The following ZNF131 variants were observed in gnomAD, a reference collection of about 807,000 sequenced individuals.
The protein encoded by ZNF131 is zinc finger and BTB domain containing 35, also known as zinc finger protein 131.
In ZNF131, 7 loss-of-function variants were observed where a neutral mutation model predicts 60.0. That is an observed-to-expected ratio of 0.12 (90% CI 0.07 to 0.22). ZNF131 has a LOEUF of 0.22. Among genes scored for constraint, ZNF131 ranks in the 10% least tolerant of loss-of-function variants. ZNF131 has a pLI of 1.00. For missense variants in ZNF131, 493 were observed against 740.9 expected, an observed-to-expected ratio of 0.67 and a Z score of 3.88; for synonymous variants, 257 against 253.2, an observed-to-expected ratio of 1.01 and a Z score of -0.14.
intron 3 of ZNF131, among the ~76,000 whole-genome samples, chr5:43,132,570 G>A (rs1197795229): frequency 6.8e-6 from 1 of 146,582 alleles, no homozygotes; most frequent in Non-Finnish European, 1.5e-5. Context: ...GATTGCAGTG[G>A]CATGATCTCA....
chr5:43,133,086 T>C (rs564038314), intron 3 of ZNF131, among the ~76,000 whole-genome samples: 1 of 152,226 alleles, frequency 6.6e-6, no homozygotes, highest in East Asian at 1.9e-4. Flanking sequence ...ATATATAGCA[T>C]TGAGATATAA....
chr5:43,162,613 A>T (rs1189453035), intron 5 of ZNF131, among the ~76,000 whole-genome samples: 1 of 148,190 alleles, frequency 6.7e-6, no homozygotes, highest in Admixed American at 6.8e-5. Flanking sequence ...AAAGAAAAGA[A>T]AAAAAAGCGG....
chr5:43,147,460 C>T (rs1302320756), intron 4 of ZNF131, among the ~76,000 whole-genome samples: 2 of 151,644 alleles, frequency 1.3e-5, no homozygotes, highest in East Asian at 1.9e-4. Context: ...CTCTGTCGCC[C>T]AGGCTAGAGT....
At chr5:43,171,520 T>C (rs1006425397) in intron 5 of ZNF131, among the ~76,000 whole-genome samples, 1 of 152,134 alleles carries the variant, frequency 6.6e-6, no homozygotes, top group Non-Finnish European at 1.5e-5. Context: ...ATCATGCCAT[T>C]GCACTCCAGC....
chr5:43,147,079 A>G (rs77324927), intron 4 of ZNF131, among the ~76,000 whole-genome samples: 14,759 of 152,166 alleles, frequency 0.097, 850 homozygotes, highest in East Asian at 0.19. Context: ...AGTGTACCGT[A>G]CAAAGTTCAT....
At chr5:43,126,648 A>G (rs1208302185) in intron 3 of ZNF131, among the ~76,000 whole-genome samples, 1 of 152,146 alleles carries the variant, frequency 6.6e-6, no homozygotes, top group Non-Finnish European at 1.5e-5. Context: ...TCCTGAACAA[A>G]ATGGAGAGAG....
chr5:43,138,650 AAAAT>A (rs532347554), intron 3 of ZNF131, among the ~76,000 whole-genome samples: 28 of 152,278 alleles, frequency 1.8e-4, no homozygotes, highest in Non-Finnish European at 3.1e-4. Flanking sequence ...ACTCCATCTC[AAAAT>A]AAATAAATAA....
chr5:43,174,322 A>T, intron 6 of ZNF131, 125 bp from the exon 7 acceptor site: 1 of 858,556 alleles, frequency 1.2e-6, no homozygotes, highest in Middle Eastern at 3.8e-4. Context: ...ATTCTATTGC[A>T]GGTACCATAT....
At chr5:43,136,818 A>G (rs943030999) in intron 3 of ZNF131, among the ~76,000 whole-genome samples, 1 of 151,898 alleles carries the variant, frequency 6.6e-6, no homozygotes, top group Admixed American at 6.6e-5. Flanking sequence ...AAAATATTTT[A>G]CAGAGCTACA....
At chr5:43,171,647 G>T (rs1392352685) in intron 5 of ZNF131, among the ~76,000 whole-genome samples, 1 of 152,076 alleles carries the variant, frequency 6.6e-6, no homozygotes, top group African/African-American at 2.4e-5. Flanking sequence ...TTTTGAGATG[G>T]AGTCTCGCTC....
At position 43,122,061 on chromosome 5, in the gene ZNF131, C is replaced by G; in HGVS notation, c.8C>G (p.Ala3Gly). 1 of 1,613,992 alleles carries G rather than the reference C, an allele frequency of 6.2e-7. No homozygotes were observed. Among genetic ancestry groups the G allele is most frequent in the Non-Finnish European group, 8.5e-7 (1 of 1,180,010 alleles). The part of the protein sequence containing the change: ME[A>G]EETMECLQEF... Reference sequence around the variant, plus strand: ...TAGAGCAGCCCGACGGCCATGGAGGCTGAAGAGACGATGGAATGCCTTCAG... The same window carrying G: ...TAGAGCAGCCCGACGGCCATGGAGGGTGAAGAGACGATGGAATGCCTTCAG... The change falls in exon 2 of 7, where the codon GCT becomes GGT. Residue 3 changes from alanine to glycine, a missense_variant. Physicochemically the swap from Ala to Gly is moderately conservative, Grantham distance 60. This residue lies in a region of ZNF131 where 66 missense variants were observed against 148.0 expected (regional missense o/e 0.45). Transcript: ENST00000682664.
chr5:43,166,573 G>C (rs1040915694), intron 5 of ZNF131, among the ~76,000 whole-genome samples: 2 of 151,984 alleles, frequency 1.3e-5, no homozygotes, highest in East Asian at 3.9e-4. Flanking sequence ...TGTTGGCCAG[G>C]ATGGTCTCGA....
chr5:43,156,373 C>T (rs1277987229), intron 4 of ZNF131, among the ~76,000 whole-genome samples: 1 of 152,146 alleles, frequency 6.6e-6, no homozygotes, highest in African/African-American at 2.4e-5. Context: ...CTTTCAGTCC[C>T]CTTTGGGAAT....
At chr5:43,162,700 C>G (rs1749858747) in intron 5 of ZNF131, among the ~76,000 whole-genome samples, 1 of 151,006 alleles carries the variant, frequency 6.6e-6, no homozygotes, top group Non-Finnish European at 1.5e-5. Context: ...GTCAGGAGTT[C>G]AGAGACCAGC....
At chr5:43,143,243 C>G in intron 4 of ZNF131, 1 of 372,878 alleles carries the variant, frequency 2.7e-6, no homozygotes. Context: ...AGGATGGTCT[C>G]ATCTCTTTAC....
rs183910847 is a variant in ZNF131, at chr5:43,174,994, A to T, written c.1733A>T (p.Glu578Val). The T allele has an allele frequency of 2.8e-4, 449 of 1,614,162 alleles. 7 individuals carry two copies. The East Asian group carries it at 9.5e-3, about 34-fold the overall frequency. Residue 578 changes from glutamate to valine, a missense_variant, in exon 7 of 7, where the codon GAG (glutamate) becomes GTG (valine). Coordinates refer to ENST00000682664, the MANE Select transcript of ZNF131 (RefSeq NM_001330707.2). Reference protein sequence around the residue: ...TPEIMNQEERESSQADAAEAA... With the variant: ...TPEIMNQEERVSSQADAAEAA... The stretch of plus-strand genomic sequence containing the variant: ...GAAATCATGAACCAAGAGGAGAGAG[A>T]GTCTAGCCAAGCAGATGCTGCTGAG...
chr5:43,132,842 A>G (rs1403760874), intron 3 of ZNF131, among the ~76,000 whole-genome samples: 1 of 152,134 alleles, frequency 6.6e-6, no homozygotes, highest in African/African-American at 2.4e-5. Context: ...AATAGAGGAT[A>G]CTGCTTTGAA....
chr5:43,146,800 G>A (rs1040782624), intron 4 of ZNF131, among the ~76,000 whole-genome samples: 13 of 151,892 alleles, frequency 8.6e-5, no homozygotes, highest in Admixed American at 2.6e-4. Context: ...CAGCTACTTG[G>A]GAGGCTGAGA....
At chr5:43,150,074 C>G (rs1036273066) in intron 4 of ZNF131, among the ~76,000 whole-genome samples, 1 of 152,166 alleles carries the variant, frequency 6.6e-6, no homozygotes, top group Non-Finnish European at 1.5e-5. Context: ...CCCTGTCCCC[C>G]TAGTCCCACA....
Sources: allele counts gnomAD v4.1 joint callset (sites outside exome capture counted in the v4.1 genomes callset), GRCh38; gene constraint gnomAD v4.1.1; regional missense constraint gnomAD v4.1.1; transcripts MANE v1.5; gene names NCBI Gene and HGNC (gene_info 2026-07-23, HGNC 2026-07-21).